The following LPP variants were observed in gnomAD, a reference collection of about 807,000 sequenced individuals.
LPP encodes LIM domain containing preferred translocation partner in lipoma.
A neutral mutation model predicts 60.4 loss-of-function variants in LPP; 38 were observed. That is an observed-to-expected ratio of 0.63 (90% CI 0.49 to 0.83). The LOEUF (loss-of-function observed/expected upper bound fraction) is 0.83. LPP is among the 40% of genes least tolerant of loss of function. The probability of loss-of-function intolerance (pLI) is 0.00; values close to 1 mark genes in which losing one functional copy is unlikely to be tolerated. For synonymous variants in LPP, 328 were observed against 290.8 expected, an observed-to-expected ratio of 1.13 and a Z score of -1.30; for missense variants, 902 against 783.6, an observed-to-expected ratio of 1.15 and a Z score of -1.80.
chr3:188,318,798 G>A (rs1282127145), intron 2 of LPP, among the ~76,000 whole-genome samples: 18 of 120,082 alleles, frequency 1.5e-4, no homozygotes, highest in African/African-American at 5.2e-4. Context: ...TCGCTCTGTC[G>A]CCCAGGCTGG....
At chr3:188,240,172 A>ATG (rs1723510995) in intron 2 of LPP, 1 of 184,030 alleles carries the variant, frequency 5.4e-6, no homozygotes, top group African/African-American at 2.3e-5. Context: ...GGTGGGGTTT[A>ATG]TGTGTAAATG....
intron 4 of LPP, among the ~76,000 whole-genome samples, chr3:188,473,543 A>G (rs908046880): frequency 6.6e-6 from 1 of 152,182 alleles, no homozygotes; most frequent in African/African-American, 2.4e-5. Flanking sequence ...ATTCTGAATT[A>G]AGGATTCTAA....
intron 2 of LPP, among the ~76,000 whole-genome samples, chr3:188,281,098 G>C (rs1199707252): frequency 1.3e-5 from 2 of 151,882 alleles, no homozygotes; most frequent in East Asian, 1.9e-4. Context: ...AATTTTTGAA[G>C]ACAAAATGAA....
chr3:188,840,901 G>C (rs1257088888), intron 9 of LPP, among the ~76,000 whole-genome samples: 1 of 152,102 alleles, frequency 6.6e-6, no homozygotes, highest in Non-Finnish European at 1.5e-5. Context: ...AGCAAGCTGG[G>C]GTTCATTTTA....
intron 2 of LPP, chr3:188,240,185 A>G (rs574788310): frequency 1.1e-5 from 2 of 182,318 alleles, no homozygotes; most frequent in Admixed American, 6.3e-5. Context: ...TGTAAATGAT[A>G]TCTGTGTGTT....
chr3:188,372,426 T>C (rs1773553910), intron 3 of LPP, among the ~76,000 whole-genome samples: 1 of 152,094 alleles, frequency 6.6e-6, no homozygotes, highest in South Asian at 2.1e-4. Flanking sequence ...AATAAACAAC[T>C]GGTTAAAAAA....
intron 8 of LPP, chr3:188,711,178 G>A (rs1221653708): frequency 6.6e-6 from 1 of 152,140 alleles, no homozygotes; most frequent in Non-Finnish European, 1.5e-5. Flanking sequence ...TATGTCACTG[G>A]TAAGTAATCA....
At chr3:188,512,553 C>T (rs945612929) in intron 5 of LPP, among the ~76,000 whole-genome samples, 1 of 97,640 alleles carries the variant, frequency 1.0e-5, no homozygotes, top group East Asian at 2.5e-4. Context: ...GAGCAAAACC[C>T]GGTCTATAAA....
chr3:188,416,187 A>G (rs1786230591), intron 4 of LPP, among the ~76,000 whole-genome samples: 1 of 152,212 alleles, frequency 6.6e-6, no homozygotes, highest in South Asian at 2.1e-4. Context: ...GCTATCTTAC[A>G]TGCCATCTGA....
chr3:188,799,650 A>C (rs1404671900), intron 9 of LPP, among the ~76,000 whole-genome samples: 1 of 152,170 alleles, frequency 6.6e-6, no homozygotes. Flanking sequence ...CCTTCTCATA[A>C]AGTGTGCCTG....
chr3:188,514,271 C>T (rs1200429920), intron 5 of LPP, among the ~76,000 whole-genome samples: 4 of 151,790 alleles, frequency 2.6e-5, no homozygotes. Context: ...CTCTCCTCTC[C>T]ATTCCTCTGC....
intron 9 of LPP, among the ~76,000 whole-genome samples, chr3:188,852,663 C>T (rs1003045360): frequency 6.6e-6 from 1 of 152,192 alleles, no homozygotes; most frequent in African/African-American, 2.4e-5. Context: ...TGAAGGCCCT[C>T]ACCAGATGCT....
intron 1 of LPP, among the ~76,000 whole-genome samples, chr3:188,161,244 C>G (rs1359521740): frequency 4.6e-5 from 7 of 152,038 alleles, no homozygotes; most frequent in Non-Finnish European, 1.5e-5. Context: ...TGGTGGCAGA[C>G]TGAGGGCAGG....
At chr3:188,200,677 G>A (rs965238904) in intron 1 of LPP, among the ~76,000 whole-genome samples, 22 of 152,230 alleles carry the variant, frequency 1.4e-4, no homozygotes, top group Non-Finnish European at 2.8e-4. Flanking sequence ...CACACACAAG[G>A]AAATCTTACT....
intron 5 of LPP, among the ~76,000 whole-genome samples, chr3:188,506,435 G>A (rs1163432176): frequency 6.6e-6 from 1 of 151,938 alleles, no homozygotes; most frequent in East Asian, 1.9e-4. Context: ...CCTTTTGTGG[G>A]GTAATGTAAT....
chr3:188,406,639 A>G (rs1783568635), intron 4 of LPP, among the ~76,000 whole-genome samples: 2 of 152,148 alleles, frequency 1.3e-5, no homozygotes, highest in South Asian at 4.2e-4. Flanking sequence ...GTAGGGTTTT[A>G]GCTACCAGAC....
chr3:188,240,219 T>G (rs1723572292), intron 2 of LPP: 2 of 177,698 alleles, frequency 1.1e-5, no homozygotes, highest in East Asian at 1.9e-4. Flanking sequence ...ATAAACTAAT[T>G]TAAAAATCCT....
intron 8 of LPP, among the ~76,000 whole-genome samples, chr3:188,724,966 G>T (rs545790920): frequency 5.1e-4 from 78 of 152,298 alleles, no homozygotes; most frequent in African/African-American, 1.9e-3. Context: ...CTAGCAATTG[G>T]CTCACTCAGT....
At chr3:188,821,355 T>A (rs1223090534) in intron 9 of LPP, among the ~76,000 whole-genome samples, 3 of 149,348 alleles carry the variant, frequency 2.0e-5, no homozygotes. Context: ...CTGGGTTTGG[T>A]CACGGACATC....
Sources: allele counts gnomAD v4.1 joint callset (sites outside exome capture counted in the v4.1 genomes callset), GRCh38; gene constraint gnomAD v4.1.1; transcripts MANE v1.5; gene names NCBI Gene and HGNC (gene_info 2026-07-23, HGNC 2026-07-21).